FBXW2: variants seen among roughly 807,000 people sequenced by gnomAD.
FBXW2 encodes the protein F-box and WD repeat domain containing 2, also known as F-box/WD repeat-containing protein 2.
FBXW2 carries 12 observed loss-of-function variants against 46.0 expected under a neutral mutation model. The ratio of observed to expected loss-of-function variants is 0.26; its 90% confidence interval spans 0.17 to 0.42. FBXW2 has a LOEUF of 0.42. Ranked by LOEUF, FBXW2 falls within the 10% of genes least tolerant of loss-of-function variation. The pLI is 1.00. For missense variants in FBXW2, 360 were observed against 537.0 expected, an observed-to-expected ratio of 0.67 and a Z score of 3.26; for synonymous variants, 203 against 209.6, an observed-to-expected ratio of 0.97 and a Z score of 0.27.
In FBXW2 at chr9:120,757,503, T is replaced by C. The variant is rs533036227; in HGVS notation, c.*7056A>G. The stretch of plus-strand genomic sequence containing the variant: ...ATTATCTACCAAAACAGAAATGGTT[T>C]AGCAAATTACAGTAATGAAGGAAAA... On this transcript the variant is annotated 3_prime_UTR_variant, in exon 8 of 8. Coordinates refer to ENST00000608872, the MANE Select transcript of FBXW2 (RefSeq NM_012164.4). 4 of 152,366 alleles carry C rather than the reference T, an allele frequency of 2.6e-5. No homozygotes were observed. In the South Asian group the frequency reaches 8.3e-4, roughly 32 times the overall value. 9.4% of individuals were successfully genotyped at this position (152,366 alleles called of 1,614,324 possible). A position where few individuals can be genotyped will look rare whatever the true frequency, so the allele number is the denominator to read the frequency against.
intron 4 of FBXW2, among the ~76,000 whole-genome samples, chr9:120,777,695 A>C (rs952389431): frequency 6.6e-6 from 1 of 151,944 alleles, no homozygotes; most frequent in Non-Finnish European, 1.5e-5. Flanking sequence ...CAATTTCTAC[A>C]CAAAGCCTCC....
At chr9:120,776,420 G>A in intron 4 of FBXW2, 194 bp from the exon 5 acceptor site, 1 of 599,068 alleles carries the variant, frequency 1.7e-6, no homozygotes, top group Non-Finnish European at 2.8e-6. Context: ...TTATTCTAAG[G>A]TGGAAAGTCC....
chr9:120,761,339 C>T lies in FBXW2; in HGVS notation c.*3220G>A, dbSNP rs1317896306. 3 of 152,220 alleles carry T rather than the reference C, an allele frequency of 2.0e-5. No individual in the cohort carries two copies. Among genetic ancestry groups the T allele is most frequent in the Admixed American group, 2.0e-4 (3 of 15,278 alleles). 9.4% of individuals were successfully genotyped at this position (152,220 alleles called of 1,614,324 possible). A position where few individuals can be genotyped will look rare whatever the true frequency, so the allele number is the denominator to read the frequency against. On this transcript the variant is annotated 3_prime_UTR_variant, in exon 8 of 8. Transcript: ENST00000608872. The stretch of plus-strand genomic sequence containing the variant: ...AAAGAAGCCGCTGGCTTCCACCACA[C>T]CACAGTGTCACCCAAGAAATCCAAT...
intron 2 of FBXW2, among the ~76,000 whole-genome samples, chr9:120,789,135 A>G (rs995802168): frequency 2.0e-5 from 3 of 152,180 alleles, no homozygotes; most frequent in Non-Finnish European, 4.4e-5. Flanking sequence ...AAATGAGGAA[A>G]CTACAGGTTA....
intron 2 of FBXW2, 185 bp downstream of exon 2, chr9:120,792,964 G>A: frequency 6.5e-7 from 1 of 1,533,618 alleles, no homozygotes; most frequent in Non-Finnish European, 8.7e-7. Context: ...ACACTTCATC[G>A]TCTTTCAAAC....
intron 3 of FBXW2, among the ~76,000 whole-genome samples, chr9:120,780,354 CAA>C (rs564191309): frequency 6.3e-4 from 41 of 65,406 alleles, no homozygotes; most frequent in Admixed American, 8.9e-4. Context: ...GACTCTGTTT[CAA>C]AAAAAAAAAA....
At position 120,762,896 on chromosome 9, in the gene FBXW2, G is replaced by A. The variant is rs1036215688; in HGVS notation, c.*1663C>T. The A allele has an allele frequency of 6.6e-6, 1 of 152,158 alleles. No individual in the cohort carries two copies. The highest frequency in any genetic ancestry group is 2.4e-5 in the African/African-American group (1 of 41,444). The allele number at this position is 152,158 out of a possible 1,614,324, so 9.4% of individuals were successfully genotyped here. On this transcript the variant is annotated 3_prime_UTR_variant, in exon 8 of 8. Transcript: ENST00000608872. ...CCCCACCACCCTTGTAATACAAGGG[G>A]AGACAGCTGAAGAGCGGCTGAGATT... is the stretch of plus-strand genomic sequence containing the variant.
Position 120,778,463 on chromosome 9 carries a change from C to T in FBXW2, c.573G>A (p.Ala191=), listed in dbSNP as rs746403096. 9.3e-6 allele frequency: 15 copies of T among 1,613,960 alleles called. No homozygotes were observed. The Middle Eastern group carries it at 4.9e-4, about 53-fold the overall frequency. ...CAAGCTTCTGTTCATCAAACTTCAC[C>T]GCTGCACAAGTGTGGGTCTGGATGC... The part of the protein sequence containing the change: ...VYGIQTHTCA[A]VKFDEQKLVT... Residue 191 remains alanine, a synonymous_variant, in exon 4 of 8, where the codon GCG becomes GCA. Transcript: ENST00000608872.
chr9:120,792,395 A>C (rs1275847311), intron 2 of FBXW2: 1 of 152,518 alleles, frequency 6.6e-6, no homozygotes, highest in Non-Finnish European at 1.5e-5. Flanking sequence ...ACACACCTAT[A>C]AACTTACATA....
intron 7 of FBXW2, among the ~76,000 whole-genome samples, chr9:120,765,096 T>G (rs1408167395): frequency 1.4e-5 from 2 of 138,764 alleles, no homozygotes; most frequent in Admixed American, 1.5e-4. Context: ...TTGATCAAAG[T>G]TTTTTTTTTT....
intron 7 of FBXW2, among the ~76,000 whole-genome samples, chr9:120,768,581 CT>C (rs1221722255): frequency 6.6e-6 from 1 of 152,164 alleles, no homozygotes; most frequent in Non-Finnish European, 1.5e-5. Flanking sequence ...AATCCCAGCA[CT>C]TTGGGAGGCG....
intron 3 of FBXW2, among the ~76,000 whole-genome samples, chr9:120,786,646 G>A (rs1308667129): frequency 4.6e-5 from 7 of 152,128 alleles, no homozygotes; most frequent in Non-Finnish European, 8.8e-5. Flanking sequence ...AATGTTTATT[G>A]GAAGTTATCT....
Position 120,764,568 on chromosome 9 carries a change from C to T in FBXW2, c.1356G>A (p.Glu452=). 6.2e-7 allele frequency: 1 copy of T among 1,612,072 alleles called. No individual in the cohort carries two copies. The highest frequency in any genetic ancestry group is 8.5e-7 in the Non-Finnish European group (1 of 1,178,196). Residue 452 remains glutamate, a synonymous_variant, in exon 8 of 8, where the codon GAG becomes GAA. Transcript: ENST00000608872. ...GTGGTGGCTCATGGTGTCAGCCGTG[C>T]TCCTTCCACAACACCAGGTGAATAC... ...DHSIHLVLWK[E]HG is the part of the protein sequence containing the mutation.
rs1361760894 is a variant in FBXW2 at position 120,763,464 on chromosome 9, C to G, written c.*1095G>C. Reference sequence around the variant, plus strand: ...TCCTTCTAGTATAGCATACTGTGTCCCTATTTAAACCATGGCTTCTATCAG... The same window carrying G: ...TCCTTCTAGTATAGCATACTGTGTCGCTATTTAAACCATGGCTTCTATCAG... On this transcript the variant is annotated 3_prime_UTR_variant, in exon 8 of 8. Transcript: ENST00000608872. 1 of 152,102 alleles carries G rather than the reference C, an allele frequency of 6.6e-6. No individual in the cohort carries two copies. The highest frequency in any genetic ancestry group is 2.4e-5 in the African/African-American group (1 of 41,412). The allele number at this position is 152,102 out of a possible 1,614,324, so 9.4% of individuals were successfully genotyped here. A position where few individuals can be genotyped will look rare whatever the true frequency, so the allele number is the denominator to read the frequency against.
chr9:120,788,134 C>T lies in FBXW2; in HGVS notation c.125G>A (p.Arg42Lys). The change falls in exon 3 of 8, where the codon AGG becomes AAG. Residue 42 changes from arginine (R) to lysine (K), a missense_variant. Physicochemically the swap from Arg to Lys is conservative, Grantham distance 26. Transcript: ENST00000608872. ...AGTCTCTAGGTTATTGGAGAGATGC[C>T]TGAGCTGGACTGCCCCACTCAGACT... ...LISLSGAVQLRHLSNNLETLL... is the reference protein window; with the variant it reads ...LISLSGAVQLKHLSNNLETLL... 1 of 1,614,124 alleles carries T rather than the reference C, an allele frequency of 6.2e-7. No homozygotes were observed. Among genetic ancestry groups the T allele is most frequent in the Non-Finnish European group, 8.5e-7 (1 of 1,180,032 alleles).
At chr9:120,770,643 A>G (rs1484053161) in intron 7 of FBXW2, among the ~76,000 whole-genome samples, 4 of 152,190 alleles carry the variant, frequency 2.6e-5, no homozygotes, top group Non-Finnish European at 5.9e-5. Context: ...GATGAAATTG[A>G]GCTACAGAGG....
intron 3 of FBXW2, among the ~76,000 whole-genome samples, chr9:120,785,197 T>A (rs2044695816): frequency 6.6e-6 from 1 of 151,704 alleles, no homozygotes; most frequent in African/African-American, 2.4e-5. Context: ...TTTGTAGAGA[T>A]GGGATTTTGC....
At chr9:120,777,983 C>G (rs1003917248) in intron 4 of FBXW2, among the ~76,000 whole-genome samples, 3 of 151,646 alleles carry the variant, frequency 2.0e-5, no homozygotes, top group African/African-American at 4.9e-5. Context: ...GGAATTTACA[C>G]AAGTAGGATT....
At chr9:120,786,018 CAAAAAAAAAAAAA>C (rs3047150) in intron 3 of FBXW2, among the ~76,000 whole-genome samples, 1 of 40,548 alleles carries the variant, frequency 2.5e-5, no homozygotes, top group East Asian at 1.2e-3. Flanking sequence ...GACTCCATCT[CAAAAAAAAAAAAA>C]AAAAAAAAAA....
Sources: allele counts gnomAD v4.1 joint callset (sites outside exome capture counted in the v4.1 genomes callset), GRCh38; gene constraint gnomAD v4.1.1; transcripts MANE v1.5; gene names NCBI Gene and HGNC (gene_info 2026-07-23, HGNC 2026-07-21).